The following CACNA2D1 variants were observed in gnomAD, a reference collection of about 807,000 sequenced individuals.
The protein encoded by CACNA2D1 is calcium voltage-gated channel auxiliary subunit alpha2delta 1.
A neutral mutation model predicts 171.5 loss-of-function variants in CACNA2D1; 53 were observed. That is an observed-to-expected ratio of 0.31 (90% confidence interval 0.25 to 0.39). The LOEUF is 0.39. Among genes scored for constraint, CACNA2D1 ranks in the 10% least tolerant of loss-of-function variants. CACNA2D1 has a pLI of 1.00. For missense variants in CACNA2D1, 903 were observed against 1,299.8 expected (o/e 0.69, Z 4.69); for synonymous variants, 442 against 443.1 (o/e 1.00, Z 0.03).
chr7:82,090,500 C>G (rs1041279892), intron 6 of CACNA2D1, among the ~76,000 whole-genome samples: 6 of 151,816 alleles, frequency 4.0e-5, no homozygotes, highest in South Asian at 2.1e-4. Flanking sequence ...TCTATTACAG[C>G]CTTGCATTGA....
chr7:81,973,002 A>T (rs1217037429), intron 25 of CACNA2D1, among the ~76,000 whole-genome samples: 1 of 151,990 alleles, frequency 6.6e-6, no homozygotes. Context: ...TTGGAAAGTA[A>T]ATGTTCTAAT....
At position 82,443,776 on chromosome 7, in the gene CACNA2D1, C is replaced by G. The variant is rs1204800012; in HGVS notation, c.-317G>C. On this transcript the variant is annotated 5_prime_UTR_variant, in exon 1 of 39. Transcript: ENST00000356860. ...GCCCGCCGGCGCTCGCGCGCTCTCGCTCTCCCTCTCGGTTTCCTCCCTGAT... is the reference window on the plus strand; with the variant it reads ...GCCCGCCGGCGCTCGCGCGCTCTCGGTCTCCCTCTCGGTTTCCTCCCTGAT... 1 of 1,055,110 alleles carries G rather than the reference C, an allele frequency of 9.5e-7. No individual in the cohort carries two copies. The highest frequency in any genetic ancestry group is 1.2e-6 in the Non-Finnish European group (1 of 827,540). The allele number at this position is 1,055,110 out of a possible 1,614,324, so 65.4% of individuals were successfully genotyped here.
chr7:82,218,595 T>C (rs1036895986), intron 3 of CACNA2D1, among the ~76,000 whole-genome samples: 3 of 152,178 alleles, frequency 2.0e-5, no homozygotes, highest in African/African-American at 4.8e-5. Context: ...ATAAATTGAT[T>C]AATTACCAGG....
intron 21 of CACNA2D1, among the ~76,000 whole-genome samples, chr7:81,989,148 A>C (rs997471844): frequency 1.1e-4 from 16 of 152,302 alleles, no homozygotes; most frequent in Admixed American, 5.2e-4. Flanking sequence ...GATGGGTGCC[A>C]GTGTTTATGT....
chr7:81,989,518 A>T (rs190256115), intron 21 of CACNA2D1, among the ~76,000 whole-genome samples: 1 of 152,310 alleles, frequency 6.6e-6, no homozygotes, highest in East Asian at 1.9e-4. Flanking sequence ...AGCGAAAATG[A>T]TGAGACAGTA....
chr7:82,227,060 C>T (rs1318068241), intron 3 of CACNA2D1, among the ~76,000 whole-genome samples: 1 of 152,068 alleles, frequency 6.6e-6, no homozygotes, highest in Non-Finnish European at 1.5e-5. Context: ...ATCTTGGATA[C>T]AGATTAGTAC....
At chr7:82,206,826 C>T (rs1800043414) in intron 3 of CACNA2D1, among the ~76,000 whole-genome samples, 1 of 152,060 alleles carries the variant, frequency 6.6e-6, no homozygotes, top group African/African-American at 2.4e-5. Flanking sequence ...TGTGTTACAA[C>T]TAAAAAACAA....
intron 5 of CACNA2D1, among the ~76,000 whole-genome samples, chr7:82,121,161 C>A (rs1029149323): frequency 6.6e-6 from 1 of 152,096 alleles, no homozygotes; most frequent in Non-Finnish European, 1.5e-5. Flanking sequence ...CAACCTCCTA[C>A]CTACCTCAGC....
At chr7:82,005,277 C>T in intron 18 of CACNA2D1, 146 bp downstream of exon 18, 1 of 661,662 alleles carries the variant, frequency 1.5e-6, no homozygotes, top group South Asian at 1.8e-5. Context: ...CATGTGTGGT[C>T]CTTGTCATCT....
chr7:82,296,809 T>C (rs1262378729), intron 3 of CACNA2D1, among the ~76,000 whole-genome samples: 1 of 152,132 alleles, frequency 6.6e-6, no homozygotes, highest in Non-Finnish European at 1.5e-5. Context: ...AGCAAATAGT[T>C]GGCATTCAAT....
At chr7:82,351,873 C>A (rs995406517) in intron 1 of CACNA2D1, among the ~76,000 whole-genome samples, 2 of 152,062 alleles carry the variant, frequency 1.3e-5, no homozygotes, top group African/African-American at 4.8e-5. Context: ...AGTCCTAGAA[C>A]CTACAAAAAA....
At chr7:82,092,540 CTTTTTTTTTTTT>C (rs71093360) in intron 6 of CACNA2D1, among the ~76,000 whole-genome samples, 1 of 102,702 alleles carries the variant, frequency 9.7e-6, no homozygotes, top group East Asian at 3.0e-4. Context: ...GCCCAGCTAA[CTTTTTTTTTTTT>C]TTTTTTTTTT....
intron 12 of CACNA2D1, among the ~76,000 whole-genome samples, chr7:82,017,746 A>G (rs949328611): frequency 6.6e-6 from 1 of 152,168 alleles, no homozygotes; most frequent in Non-Finnish European, 1.5e-5. Flanking sequence ...GTGTATTTGT[A>G]CAGTTCTTTT....
intron 3 of CACNA2D1, among the ~76,000 whole-genome samples, chr7:82,291,384 A>T (rs1490494687): frequency 7.4e-6 from 1 of 135,038 alleles, no homozygotes; most frequent in Non-Finnish European, 1.5e-5. Context: ...ATACATCTAT[A>T]TCTATCTACA....
chr7:82,002,256 C>T (rs1798692638), intron 18 of CACNA2D1, among the ~76,000 whole-genome samples: 1 of 152,042 alleles, frequency 6.6e-6, no homozygotes. Flanking sequence ...AGAGACACGT[C>T]TCACCCCTTC....
intron 37 of CACNA2D1, 56 bp downstream of exon 37, chr7:81,959,664 T>C: frequency 1.3e-6 from 2 of 1,534,540 alleles, no homozygotes; most frequent in Admixed American, 3.5e-5. Flanking sequence ...TGTGACAAGA[T>C]TCAAAATGCA....
chr7:82,334,947 AATAAAC>A (rs1817809122), intron 3 of CACNA2D1, among the ~76,000 whole-genome samples, 182 bp downstream of exon 3: 1 of 152,010 alleles, frequency 6.6e-6, no homozygotes, highest in Non-Finnish European at 1.5e-5. Flanking sequence ...AGTAATATAA[AATAAAC>A]ATAATTAGAA....
rs143269721 is a variant in CACNA2D1 at position 81,977,102 on chromosome 7, G to A, written c.1956-2550C>T. On this transcript the variant is annotated intron_variant, in intron 24 of 38. Transcript: ENST00000356860. ...TACAATACTATGCTGAATAGGAGTGGTGAGAGAGTGCATCCTTGTCTTGTG... is the reference window on the plus strand; with the variant it reads ...TACAATACTATGCTGAATAGGAGTGATGAGAGAGTGCATCCTTGTCTTGTG... Among the ~76,000 whole-genome samples, 966 of 152,236 alleles carry A rather than the reference G, an allele frequency of 6.3e-3. 11 individuals carry two copies. Among genetic ancestry groups the A allele is most frequent in the African/African-American group, 0.022 (918 of 41,538 alleles).
chr7:82,173,576 G>A (rs966293047), intron 3 of CACNA2D1, among the ~76,000 whole-genome samples: 1 of 151,438 alleles, frequency 6.6e-6, no homozygotes, highest in Admixed American at 6.6e-5. Context: ...AGTCTATCTC[G>A]GGACTAGAGT....
Sources: allele counts gnomAD v4.1 joint callset (sites outside exome capture counted in the v4.1 genomes callset), GRCh38; gene constraint gnomAD v4.1.1; transcripts MANE v1.5; gene names NCBI Gene and HGNC (gene_info 2026-07-23, HGNC 2026-07-21).